The following LRRC74A variants were observed in gnomAD, a reference collection of about 807,000 sequenced individuals.
LRRC74A encodes leucine-rich repeat-containing protein 74A.
Under a neutral mutation model 57.9 loss-of-function variants are expected in LRRC74A, and 44 were observed. The observed-to-expected ratio is 0.76, with a 90% CI of 0.60 to 0.98. The LOEUF (loss-of-function observed/expected upper bound fraction) is 0.98. Among genes scored for constraint, LRRC74A ranks in the 50% least tolerant of loss-of-function variants. LRRC74A has a pLI of 0.00. For synonymous variants in LRRC74A, 211 were observed against 219.4 expected, an observed-to-expected ratio of 0.96 and a Z score of 0.34; for missense variants, 572 against 574.0, an observed-to-expected ratio of 1.00 and a Z score of 0.04.
At chr14:76,843,071 C>T (rs1896881553) in intron 5 of LRRC74A, among the ~76,000 whole-genome samples, 1 of 152,044 alleles carries the variant, frequency 6.6e-6, no homozygotes, top group African/African-American at 2.4e-5. Context: ...ATCACAAGGT[C>T]AGGAGTTTGA....
chr14:76,841,982 G>T (rs533391036), intron 5 of LRRC74A, among the ~76,000 whole-genome samples: 18 of 152,168 alleles, frequency 1.2e-4, no homozygotes, highest in Non-Finnish European at 2.4e-4. Flanking sequence ...AAAGTGCTGG[G>T]ATTACAGGTG....
rs775431200 is a variant in LRRC74A, at chr14:76,870,107, C to G, written c.1392-18C>G. ...GCTGTACGGGTGCTCAGCATCTTTC[C>G]CTTACCTTTCGTACCAGTTTCTTGA... On this transcript the variant is annotated intron_variant, in intron 13 of 13. Transcript: ENST00000689127. 6.2e-7 allele frequency: 1 copy of G among 1,610,254 alleles called. No individual in the cohort carries two copies. The highest frequency in any genetic ancestry group is 8.5e-7 in the Non-Finnish European group (1 of 1,178,284).
intron 2 of LRRC74A, among the ~76,000 whole-genome samples, chr14:76,829,540 A>G (rs1237326089): frequency 1.3e-5 from 2 of 152,284 alleles, no homozygotes; most frequent in East Asian, 1.9e-4. Context: ...TCCTGTTTCT[A>G]TCTCATTCCC....
Position 76,844,917 on chromosome 14 carries a change from G to A in LRRC74A, c.676+16G>A, listed in dbSNP as rs749168011. ...CAGATGCTGGGTGAGTCTCCCTGGA[G>A]GAAGGGACAGCAAAGGGGAGGGATA... On this transcript the variant is annotated intron_variant, in intron 7 of 13. Transcript: ENST00000689127. 4.4e-6 allele frequency: 6 copies of A among 1,363,670 alleles called. No homozygotes were observed. In the South Asian group the frequency reaches 5.8e-5, roughly 13 times the overall value. 84.5% of individuals were successfully genotyped at this position (1,363,670 alleles called of 1,614,324 possible).
At chr14:76,833,399 A>G (rs2140260201) in intron 3 of LRRC74A, among the ~76,000 whole-genome samples, 2 of 149,044 alleles carry the variant, frequency 1.3e-5, no homozygotes, top group East Asian at 4.0e-4. Context: ...AGGTATTTTG[A>G]GAGAGAACGA....
At chr14:76,849,463 G>C (rs1422958533) in intron 7 of LRRC74A, among the ~76,000 whole-genome samples, 1 of 151,994 alleles carries the variant, frequency 6.6e-6, no homozygotes, top group Non-Finnish European at 1.5e-5. Flanking sequence ...GGCCTGTGCT[G>C]TCTTTTAAAA....
At chr14:76,832,734 C>T (rs551444223) in intron 3 of LRRC74A, among the ~76,000 whole-genome samples, 1 of 152,200 alleles carries the variant, frequency 6.6e-6, no homozygotes, top group Non-Finnish European at 1.5e-5. Flanking sequence ...GAGTCAGCTC[C>T]TCTTGGGGTC....
At chr14:76,868,983 T>G (rs2140320334) in intron 13 of LRRC74A, among the ~76,000 whole-genome samples, 1 of 152,288 alleles carries the variant, frequency 6.6e-6, no homozygotes, top group South Asian at 2.1e-4. Flanking sequence ...GACACTGGCA[T>G]CCAGCAAGAG....
intron 11 of LRRC74A, among the ~76,000 whole-genome samples, chr14:76,865,748 C>T (rs1216520239): frequency 2.6e-5 from 4 of 152,190 alleles, no homozygotes; most frequent in South Asian, 2.1e-4. Context: ...GGAATCATCC[C>T]GGCATGCACC....
intron 10 of LRRC74A, among the ~76,000 whole-genome samples, chr14:76,858,253 A>G (rs1898045188): frequency 6.6e-6 from 1 of 152,246 alleles, no homozygotes; most frequent in East Asian, 1.9e-4. Context: ...ATTCCTTCTT[A>G]GGGCTGTGAG....
intron 5 of LRRC74A, among the ~76,000 whole-genome samples, chr14:76,838,416 C>T (rs1896519301): frequency 6.6e-6 from 1 of 152,056 alleles, no homozygotes; most frequent in African/African-American, 2.4e-5. Context: ...AAAGACTGAA[C>T]AAATAAATTC....
At chr14:76,864,321 C>T (rs1328815526) in intron 11 of LRRC74A, among the ~76,000 whole-genome samples, 1 of 150,190 alleles carries the variant, frequency 6.7e-6, no homozygotes. Flanking sequence ...AGGGCTGAAC[C>T]CTGAGGAAAT....
At position 76,867,445 on chromosome 14, in the gene LRRC74A, C is replaced by G; in HGVS notation, c.1391+7C>G. On this transcript the variant is annotated splice_region_variant and intron_variant, in intron 13 of 13. Coordinates refer to ENST00000689127, the MANE Select transcript of LRRC74A (RefSeq NM_001385106.1). ...CAGGCATGGTGAACTTCAGGTCAGC[C>G]CAGGCCCCGCGACGATCCCCGTTCT... 1.3e-6 allele frequency: 2 copies of G among 1,541,096 alleles called. No homozygotes were observed. Among genetic ancestry groups the G allele is most frequent in the Non-Finnish European group, 1.8e-6 (2 of 1,115,132 alleles).
chr14:76,860,644 A>G (rs1291637217), intron 10 of LRRC74A, 49 bp from the exon 11 acceptor site: 1 of 1,529,948 alleles, frequency 6.5e-7, no homozygotes, highest in South Asian at 1.2e-5. Context: ...TTGGGCAGGC[A>G]CGATGGCAGT....
chr14:76,834,430 C>T (rs547006641), intron 3 of LRRC74A, among the ~76,000 whole-genome samples: 2 of 152,320 alleles, frequency 1.3e-5, no homozygotes, highest in Non-Finnish European at 2.9e-5. Flanking sequence ...AATTAATCAT[C>T]ATGACATTCT....
In LRRC74A at chr14:76,846,888, G is replaced by A. The variant is rs377064230; in HGVS notation, c.676+1987G>A. Among the ~76,000 whole-genome samples, 40 of 152,314 alleles carry A rather than the reference G, an allele frequency of 2.6e-4. 2 individuals are homozygous for A. In the South Asian group the frequency reaches 6.8e-3, roughly 26 times the overall value. On this transcript the variant is annotated intron_variant, in intron 7 of 13. Coordinates refer to ENST00000689127, the MANE Select transcript of LRRC74A (RefSeq NM_001385106.1). The stretch of plus-strand genomic sequence containing the variant: ...TTGCTATATGAGTTTAGAGCTGGGT[G>A]AAGAGATCAGGGCTGAAGATACACA...
intron 9 of LRRC74A, 44 bp downstream of exon 9, chr14:76,853,454 T>TGTG: frequency 6.8e-7 from 1 of 1,463,734 alleles, no homozygotes; most frequent in East Asian, 2.5e-5. Flanking sequence ...TGTGTGTGTG[T>TGTG]GTGTGTGTTT....
chr14:76,846,524 C>A (rs984288105), intron 7 of LRRC74A, among the ~76,000 whole-genome samples: 1 of 152,102 alleles, frequency 6.6e-6, no homozygotes, highest in Non-Finnish European at 1.5e-5. Context: ...CATCCCCAGG[C>A]AAATGAGTAC....
At chr14:76,865,216 T>G (rs1157356213) in intron 11 of LRRC74A, among the ~76,000 whole-genome samples, 1 of 152,188 alleles carries the variant, frequency 6.6e-6, no homozygotes, top group South Asian at 2.1e-4. Flanking sequence ...TTTTTTTCAA[T>G]AAATACAGTC....
Sources: gnomAD v4.1 joint callset for allele counts (sites outside exome capture counted in the v4.1 genomes callset) on GRCh38, gnomAD v4.1.1 for gene constraint, MANE v1.5 for transcripts, NCBI Gene and HGNC (gene_info 2026-07-23, HGNC 2026-07-21) for gene names.